The following NFATC1 variants were observed in gnomAD, a reference collection of about 807,000 sequenced individuals.
NFATC1 encodes the protein nuclear factor of activated T cells 1.
In NFATC1, 22 loss-of-function variants were observed where a neutral mutation model predicts 76.0. The ratio of observed to expected loss-of-function variants is 0.29; its 90% CI spans 0.21 to 0.41. The LOEUF is 0.41. NFATC1 is among the 10% of genes least tolerant of loss of function. The pLI is 1.00. For synonymous variants in NFATC1, 704 were observed against 613.1 expected, an observed-to-expected ratio of 1.15 and a Z score of -2.19; for missense variants, 1,357 against 1,337.7, an observed-to-expected ratio of 1.01 and a Z score of -0.23.
chr18:79,429,350 A>G (rs1233339405), intron 2 of NFATC1, among the ~76,000 whole-genome samples: 1 of 151,590 alleles, frequency 6.6e-6, no homozygotes, highest in Non-Finnish European at 1.5e-5. Context: ...TGGATGTTGG[A>G]TGCAAATTTC....
chr18:79,405,349 G>A (rs2085398913), intron 1 of NFATC1, among the ~76,000 whole-genome samples: 1 of 152,260 alleles, frequency 6.6e-6, no homozygotes, highest in African/African-American at 2.4e-5. Context: ...CAGCCAGGGA[G>A]TGGGGTCACC....
rs532159187 is a variant in NFATC1, at chr18:79,508,405, C to T, written c.2783-19123C>T. Among the ~76,000 whole-genome samples, 34 of 152,282 alleles carry T rather than the reference C, an allele frequency of 2.2e-4. No individual in the cohort carries two copies. The East Asian group carries it at 4.4e-3, about 20-fold the overall frequency. ...CGTGTGAGGGTTGGGTGAGGGGGCGCATGGGCAGGTGTTTTTTATGTGTTT... is the reference window on the plus strand; with the variant it reads ...CGTGTGAGGGTTGGGTGAGGGGGCGTATGGGCAGGTGTTTTTTATGTGTTT... On this transcript the variant is annotated intron_variant, in intron 9 of 9. Transcript: ENST00000427363.
chr18:79,441,246 G>C (rs1473047720), intron 3 of NFATC1, among the ~76,000 whole-genome samples: 1 of 152,202 alleles, frequency 6.6e-6, no homozygotes, highest in African/African-American at 2.4e-5. Context: ...GGAGGGGCAG[G>C]GGTGCTGCTG....
rs2090696432 is a variant in NFATC1 at position 79,524,447 on chromosome 18, G to A, written c.2783-3081G>A. On this transcript the variant is annotated intron_variant, in intron 9 of 9. Coordinates refer to ENST00000427363, the MANE Select transcript of NFATC1 (RefSeq NM_001278669.2). The surrounding 1 kb of genome is among the most constrained non-coding windows in gnomAD (Gnocchi z 7.2). The stretch of plus-strand genomic sequence containing the variant: ...TTGTCCATCCCGCTCTCTGTCAGCT[G>A]CTGCCATGGGGCAGCGGGAAGGCCC... Among the ~76,000 whole-genome samples, 1 of 152,218 alleles carries A rather than the reference G, an allele frequency of 6.6e-6. No individual in the cohort carries two copies. Among genetic ancestry groups the A allele is most frequent in the South Asian group, 2.1e-4 (1 of 4,830 alleles).
intron 9 of NFATC1, among the ~76,000 whole-genome samples, chr18:79,513,806 G>A (rs2090317231): frequency 6.6e-6 from 1 of 152,260 alleles, no homozygotes; most frequent in Admixed American, 6.5e-5. Flanking sequence ...TCACCATGAG[G>A]GGAGGTGCGT....
intron 9 of NFATC1, among the ~76,000 whole-genome samples, chr18:79,498,801 C>G (rs2089954371): frequency 6.6e-6 from 1 of 152,218 alleles, no homozygotes. Context: ...ACGTGGGATG[C>G]TCAGCAGGAT....
chr18:79,522,793 G>T (rs1018421347), intron 9 of NFATC1, among the ~76,000 whole-genome samples: 1 of 152,126 alleles, frequency 6.6e-6, no homozygotes, highest in Non-Finnish European at 1.5e-5. Context: ...TCCTGTCCCA[G>T]GGTCTGAGTC....
At chr18:79,423,951 G>A (rs2086189967) in intron 2 of NFATC1, among the ~76,000 whole-genome samples, 1 of 152,202 alleles carries the variant, frequency 6.6e-6, no homozygotes, top group African/African-American at 2.4e-5. Flanking sequence ...GACCCTCCAG[G>A]GTGGGACAGC....
intron 1 of NFATC1, among the ~76,000 whole-genome samples, chr18:79,408,059 G>T (rs1387645123): frequency 6.6e-6 from 1 of 152,176 alleles, no homozygotes; most frequent in East Asian, 1.9e-4. Context: ...GTGACTCCTG[G>T]GATTGAGGCC....
intron 8 of NFATC1, among the ~76,000 whole-genome samples, chr18:79,477,236 C>T (rs528472624): frequency 3.9e-5 from 6 of 152,356 alleles, no homozygotes; most frequent in Admixed American, 2.0e-4. Flanking sequence ...TCTTGTCATA[C>T]AGCAAACAGA....
rs370076577 is a variant in NFATC1 at position 79,483,691 on chromosome 18, A to G, written c.2093-2557A>G. 5.8e-4 allele frequency among the ~76,000 whole-genome samples: 67 copies of G among 115,300 alleles called. 1 individual carries two copies. The highest frequency in any genetic ancestry group is 2.1e-3 in the African/African-American group (60 of 28,608). The allele number at this position is 115,300 out of a possible 152,430, so 75.6% of individuals were successfully genotyped here. On this transcript the variant is annotated intron_variant, in intron 8 of 9. Coordinates refer to ENST00000427363, the MANE Select transcript of NFATC1 (RefSeq NM_001278669.2). The stretch of plus-strand genomic sequence containing the variant: ...TGACCTTGTCCTGGGGTGTCACTCC[A>G]GCGTGACCTTGTTCCTGGGGTGTAA...
In NFATC1 at chr18:79,448,921, C is replaced by T; in HGVS notation, c.1526C>T (p.Ala509Val). 6.2e-7 allele frequency: 1 copy of T among 1,613,810 alleles called. No individual in the cohort carries two copies. The highest frequency in any genetic ancestry group is 2.2e-5 in the East Asian group (1 of 44,888). Residue 509 changes from alanine to valine, a missense_variant, in exon 4 of 10, where the codon GCC (alanine) becomes GTC (valine). Coordinates refer to ENST00000427363, the MANE Select transcript of NFATC1 (RefSeq NM_001278669.2). The part of the protein sequence containing the change: ...GKTVSTTSHE[A>V]ILSNTKVLEI... ...ACCGTGTCCACCACCAGCCACGAGG[C>T]CATCCTCTCCAACACCAAAGTCCTG...
rs576004253 is a variant in NFATC1 at position 79,484,020 on chromosome 18, G to A, written c.2093-2228G>A. On this transcript the variant is annotated intron_variant, in intron 8 of 9. Transcript: ENST00000427363. ...CCTGGTCCTGGGGTGTCACTCCAAC[G>A]TGACCTGGTTCCTGGGGTGTCATTC... Among the ~76,000 whole-genome samples, 9 of 151,620 alleles carry A rather than the reference G, an allele frequency of 5.9e-5. 1 individual carries two copies. The highest frequency in any genetic ancestry group is 1.2e-4 in the African/African-American group (5 of 41,286).
chr18:79,433,851 C>G (rs1016554633), intron 3 of NFATC1, 113 bp downstream of exon 3: 1 of 1,369,076 alleles, frequency 7.3e-7, no homozygotes. Context: ...GCTGAATGCT[C>G]TGTCGTGGTT....
At chr18:79,430,466 T>G (rs1475703391) in intron 2 of NFATC1, among the ~76,000 whole-genome samples, 1 of 152,208 alleles carries the variant, frequency 6.6e-6, no homozygotes, top group Non-Finnish European at 1.5e-5. Flanking sequence ...CACTGCAGCC[T>G]CCGCCTCCCA....
At chr18:79,463,967 G>C (rs1054298096) in intron 7 of NFATC1, among the ~76,000 whole-genome samples, 2 of 152,216 alleles carry the variant, frequency 1.3e-5, no homozygotes, top group Non-Finnish European at 2.9e-5. Context: ...CACATTCTCT[G>C]TGATTTTCTG....
chr18:79,398,310 A>C (rs2085071585), intron 1 of NFATC1, among the ~76,000 whole-genome samples: 1 of 152,098 alleles, frequency 6.6e-6, no homozygotes, highest in Non-Finnish European at 1.5e-5. Flanking sequence ...CTGCCACTTA[A>C]CTTCACAGCG....
At chr18:79,525,008 C>A (rs999466285) in intron 9 of NFATC1, among the ~76,000 whole-genome samples, 6 of 151,742 alleles carry the variant, frequency 4.0e-5, no homozygotes, top group African/African-American at 1.2e-4. Flanking sequence ...TCCCCACATC[C>A]CATCATTACT....
chr18:79,467,430 T>C lies in NFATC1; in HGVS notation c.1960-20T>C, dbSNP rs766824471. On this transcript the variant is annotated intron_variant, in intron 7 of 9. Transcript: ENST00000427363. Reference sequence around the variant, plus strand: ...CCTGCCCGGTGCTGATTGTGCCTCCTGTGTGCCCTTCTCCTGTAGAATTCT... The same window carrying C: ...CCTGCCCGGTGCTGATTGTGCCTCCCGTGTGCCCTTCTCCTGTAGAATTCT... 1.3e-6 allele frequency: 2 copies of C among 1,569,950 alleles called. No individual in the cohort carries two copies. Among genetic ancestry groups the C allele is most frequent in the South Asian group, 1.2e-5 (1 of 86,734 alleles).
Sources: gnomAD v4.1 joint callset for allele counts (sites outside exome capture counted in the v4.1 genomes callset) on GRCh38, gnomAD v4.1.1 for gene constraint, Gnocchi (gnomAD v3.1) non-coding constraint, MANE v1.5 for transcripts, NCBI Gene and HGNC (gene_info 2026-07-23, HGNC 2026-07-21) for gene names.